SLC28A1: variants seen among roughly 807,000 people sequenced by gnomAD.
SLC28A1 encodes the protein solute carrier family 28 member 1.
In SLC28A1, 64 loss-of-function variants were observed where a neutral mutation model predicts 74.8. The observed-to-expected ratio is 0.86, with a 90% CI of 0.70 to 1.05. The LOEUF (loss-of-function observed/expected upper bound fraction) is 1.05, where lower values mean the gene tolerates loss of function less well. Ranked by LOEUF, SLC28A1 falls within the 50% of genes least tolerant of loss-of-function variation. SLC28A1 has a pLI of 0.00. For synonymous variants in SLC28A1, 359 were observed against 335.0 expected (o/e 1.07, Z -0.78); for missense variants, 828 against 822.8 (o/e 1.01, Z -0.08).
At chr15:84,935,546 C>T (rs915134321) in intron 15 of SLC28A1, 28 bp downstream of exon 15, 6 of 1,592,316 alleles carry the variant, frequency 3.8e-6, no homozygotes, top group Non-Finnish European at 5.2e-6. Flanking sequence ...TTCCCTGCAG[C>T]AGGGGGATGA....
intron 16 of SLC28A1, 113 bp downstream of exon 16, chr15:84,943,639 G>A (rs757450438): frequency 2.2e-5 from 18 of 828,742 alleles, no homozygotes; most frequent in Admixed American, 9.7e-5. Flanking sequence ...AAACAAGATG[G>A]CCATAGAGGC....
Position 84,895,132 on chromosome 15 carries a change from GC to G in SLC28A1, c.461+10del. ...CTGCTCTGGTTTAAGAGGTGAGTGA[GC>G]TCACAGCCCCGAGGCAGGGCAGGGG... is the stretch of plus-strand genomic sequence containing the variant. On this transcript the variant is annotated intron_variant, in intron 6 of 18. Coordinates refer to ENST00000394573, the MANE Select transcript of SLC28A1 (RefSeq NM_004213.5). The G allele has an allele frequency of 6.2e-7, 1 of 1,613,654 alleles. No homozygotes were observed. The highest frequency in any genetic ancestry group is 8.5e-7 in the Non-Finnish European group (1 of 1,179,858).
At chr15:84,928,606 T>C (rs370188128) in intron 12 of SLC28A1, among the ~76,000 whole-genome samples, 693 of 40,650 alleles carry the variant, frequency 0.017, 50 homozygotes, top group East Asian at 0.068. Context: ...TTCTTTCTTT[T>C]CTTTCTTTCT....
At chr15:84,953,530 G>C in the SLC28A1 span, among the ~76,000 whole-genome samples, 1 of 152,152 alleles carries the variant, frequency 6.6e-6, no homozygotes, top group Admixed American at 6.6e-5. Flanking sequence ...ATGAGTTCAA[G>C]ACCGGCCTGG....
chr15:84,962,405 T>C, the SLC28A1 span, among the ~76,000 whole-genome samples: 1 of 151,944 alleles, frequency 6.6e-6, no homozygotes, highest in Non-Finnish European at 1.5e-5. Flanking sequence ...CTCTGTAAGG[T>C]GTCCTGGAAA....
chr15:84,890,451 T>G lies in SLC28A1; in HGVS notation c.194T>G (p.Leu65Arg), dbSNP rs772029093. 16 of 1,608,472 alleles carry G rather than the reference T, an allele frequency of 9.9e-6. No homozygotes were observed. The highest frequency in any genetic ancestry group is 1.7e-5 in the Admixed American group (1 of 59,762). The change falls in exon 5 of 19, where the codon CTG becomes CGG. Residue 65 changes from leucine (L) to arginine (R), a missense_variant. Leu to Arg is a moderately radical substitution (Grantham distance 102). This residue lies in a region of SLC28A1 where 767 missense variants were observed against 753.5 expected (regional missense o/e 1.02). Transcript: ENST00000394573. ...APKPFSRWRN[L>R]QPALRARSFC... is the part of the protein sequence containing the mutation. ...GCTGGTCTTGTTCCCAGGAGGAACC[T>G]GCAGCCAGCCCTGAGAGCCAGAAGC...
intron 6 of SLC28A1, among the ~76,000 whole-genome samples, chr15:84,898,550 G>A (rs1451254566): frequency 2.7e-5 from 4 of 147,460 alleles, no homozygotes; most frequent in African/African-American, 5.0e-5. Flanking sequence ...CTGCACTCCA[G>A]CCTGGGCGAC....
intron 8 of SLC28A1, among the ~76,000 whole-genome samples, chr15:84,908,428 C>A (rs1967595551): frequency 6.6e-6 from 1 of 152,094 alleles, no homozygotes; most frequent in African/African-American, 2.4e-5. Context: ...AGGTGATCCG[C>A]CTGCCTCAGC....
intron 9 of SLC28A1, among the ~76,000 whole-genome samples, chr15:84,910,941 A>C (rs533883732): frequency 2.0e-5 from 3 of 152,314 alleles, no homozygotes; most frequent in African/African-American, 7.2e-5. Context: ...AGACTGAGCT[A>C]GGCAGGAAGA....
At chr15:84,954,652 C>A in the SLC28A1 span, among the ~76,000 whole-genome samples, 2 of 152,144 alleles carry the variant, frequency 1.3e-5, no homozygotes, top group African/African-American at 4.8e-5. Context: ...GGTTTTGAAC[C>A]CAGTTCTGTT....
intron 8 of SLC28A1, 138 bp from the exon 9 acceptor site, chr15:84,908,580 A>T: frequency 2.8e-6 from 2 of 716,072 alleles, no homozygotes; most frequent in East Asian, 2.6e-5. Context: ...GCACCTTGCC[A>T]GGTGGTGCCC....
At position 84,945,330 on chromosome 15, in the gene SLC28A1, A is replaced by T. The variant is rs560724648; in HGVS notation, c.*130A>T. On this transcript the variant is annotated 3_prime_UTR_variant, in exon 19 of 19. Transcript: ENST00000394573. Reference sequence around the variant, plus strand: ...GACTTAGACCCAGCTCAATCCCACAATTGGGAAGGGTTCATGGAGTGAGTG... The same window carrying T: ...GACTTAGACCCAGCTCAATCCCACATTTGGGAAGGGTTCATGGAGTGAGTG... 4.8e-5 allele frequency: 39 copies of T among 807,636 alleles called. 1 individual carries two copies. In the South Asian group the frequency reaches 5.4e-4, roughly 11 times the overall value. The allele number at this position is 807,636 out of a possible 1,614,324, so 50.0% of individuals were successfully genotyped here. A position where few individuals can be genotyped will look rare whatever the true frequency, so the allele number is the denominator to read the frequency against.
chr15:84,910,306 G>C (rs532901458), intron 9 of SLC28A1, among the ~76,000 whole-genome samples: 2 of 152,340 alleles, frequency 1.3e-5, no homozygotes, highest in South Asian at 2.1e-4. Flanking sequence ...ACGAGCAGCT[G>C]CTCCCTTACC....
intron 6 of SLC28A1, chr15:84,895,636 CA>C (rs1965915107): frequency 6.9e-7 from 1 of 1,452,250 alleles, no homozygotes; most frequent in Non-Finnish European, 9.1e-7. Context: ...TGTCACAGGG[CA>C]GGAGAGGGAG....
intron 4 of SLC28A1, 33 bp downstream of exon 4, chr15:84,888,893 T>C (rs773330666): frequency 6.8e-6 from 10 of 1,475,154 alleles, no homozygotes; most frequent in Non-Finnish European, 2.8e-6. Context: ...AGGGCGGGCC[T>C]GGGGTGGAGG....
At chr15:84,921,213 G>A (rs1400632098) in intron 11 of SLC28A1, 144 bp downstream of exon 11, 6 of 721,478 alleles carry the variant, frequency 8.3e-6, no homozygotes, top group South Asian at 1.5e-5. Flanking sequence ...GCTGCTCCAG[G>A]GATACTCTGT....
intron 2 of SLC28A1, chr15:84,887,320 G>GA: frequency 5.1e-6 from 5 of 983,720 alleles, no homozygotes; most frequent in Non-Finnish European, 6.0e-6. Flanking sequence ...CCTTCCCTAT[G>GA]AAGTGGGCAG....
At chr15:84,886,491 G>A (rs971678557) in intron 1 of SLC28A1, 181 bp from the exon 2 acceptor site, 1 of 985,420 alleles carries the variant, frequency 1.0e-6, no homozygotes, top group Non-Finnish European at 1.2e-6. Flanking sequence ...GGGCATCTCT[G>A]ATGGAGAAGC....
chr15:84,908,746 C>T lies in SLC28A1; in HGVS notation c.746C>T (p.Ser249Phe). The T allele has an allele frequency of 6.2e-7, 1 of 1,614,064 alleles. No individual in the cohort carries two copies. Among genetic ancestry groups the T allele is most frequent in the Non-Finnish European group, 8.5e-7 (1 of 1,180,036 alleles). The part of the protein sequence containing the change: ...RIFLSYTKAG[S>F]SFVFGEALVK... The stretch of plus-strand genomic sequence containing the variant: ...TTCCTGAGCTACACGAAGGCTGGCT[C>T]CAGCTTCGTGTTTGGGGAGGCGCTG... The change falls in exon 9 of 19, where the codon TCC becomes TTC. Residue 249 changes from serine to phenylalanine, a missense_variant. By Grantham distance (155) the Ser-to-Phe change is radical. Around this residue, in one of 3 missense-constraint regions of SLC28A1, gnomAD observed 767 missense variants for 753.5 expected, o/e 1.02. Transcript: ENST00000394573.
Sources: gnomAD v4.1 joint callset for allele counts (sites outside exome capture counted in the v4.1 genomes callset) on GRCh38, gnomAD v4.1.1 for gene constraint, gnomAD v4.1.1 regional missense constraint, MANE v1.5 for transcripts, NCBI Gene and HGNC (gene_info 2026-07-23, HGNC 2026-07-21) for gene names.